Variants in COL4A2 observed in about 807,000 individuals in gnomAD.
COL4A2 encodes the protein collagen alpha-2(IV) chain.
Under a neutral mutation model 200.2 loss-of-function variants are expected in COL4A2, and 99 were observed. The ratio of observed to expected loss-of-function variants is 0.49; its 90% CI spans 0.42 to 0.58. The LOEUF (loss-of-function observed/expected upper bound fraction) is 0.58, where lower values mean the gene tolerates loss of function less well. Ranked by LOEUF, COL4A2 falls within the 20% of genes least tolerant of loss-of-function variation. The pLI is 0.00. For synonymous variants in COL4A2, 897 were observed against 900.6 expected (o/e 1.00, Z 0.07); for missense variants, 1,950 against 2,314.1 (o/e 0.84, Z 3.23).
At chr13:110,409,946 G>A (rs971123425) in intron 4 of COL4A2, among the ~76,000 whole-genome samples, 54 of 151,854 alleles carry the variant, frequency 3.6e-4, no homozygotes, top group African/African-American at 1.2e-3. Flanking sequence ...CACACGTCCC[G>A]CCCGCCCCAG....
intron 4 of COL4A2, among the ~76,000 whole-genome samples, chr13:110,376,416 T>C (rs1878239628): frequency 6.6e-6 from 1 of 152,112 alleles, no homozygotes; most frequent in Admixed American, 6.5e-5. Context: ...TCATCCTGCC[T>C]TGATTTGTAT....
At chr13:110,394,605 G>A (rs1301080090) in intron 4 of COL4A2, among the ~76,000 whole-genome samples, 3 of 152,148 alleles carry the variant, frequency 2.0e-5, no homozygotes, top group South Asian at 4.1e-4. Flanking sequence ...TGGTGCACAC[G>A]ACCTCTCGGT....
intron 3 of COL4A2, among the ~76,000 whole-genome samples, chr13:110,344,749 T>A (rs1307143528): frequency 6.6e-6 from 1 of 152,240 alleles, no homozygotes; most frequent in East Asian, 1.9e-4. Flanking sequence ...ATCCTGTCCT[T>A]GCTCTCTGCA....
intron 3 of COL4A2, among the ~76,000 whole-genome samples, chr13:110,310,767 G>A (rs1884955421): frequency 6.6e-6 from 1 of 152,210 alleles, no homozygotes; most frequent in African/African-American, 2.4e-5. Flanking sequence ...GGGCAGTGAA[G>A]AGCCTTGGTG....
intron 3 of COL4A2, among the ~76,000 whole-genome samples, chr13:110,345,287 A>T (rs1876646363): frequency 6.6e-6 from 1 of 152,222 alleles, no homozygotes; most frequent in Non-Finnish European, 1.5e-5. Flanking sequence ...ATGCATTGAA[A>T]ATCCTCACAT....
At chr13:110,430,466 A>G (rs763421457) in intron 9 of COL4A2, 30 bp downstream of exon 9, 3 of 1,614,158 alleles carry the variant, frequency 1.9e-6, no homozygotes, top group East Asian at 4.5e-5. Flanking sequence ...ACGATATTCC[A>G]AACAAAAGTT....
chr13:110,388,526 C>T (rs989704762), intron 4 of COL4A2, among the ~76,000 whole-genome samples: 2 of 152,196 alleles, frequency 1.3e-5, no homozygotes, highest in African/African-American at 4.8e-5. Flanking sequence ...AAGATGAATG[C>T]TGTTGGAAGG....
intron 46 of COL4A2, 128 bp downstream of exon 46, chr13:110,506,734 C>A: frequency 1.0e-6 from 1 of 1,001,346 alleles, no homozygotes; most frequent in Non-Finnish European, 1.4e-6. Context: ...AAGGGTCCAT[C>A]TACATTCCTC....
chr13:110,426,477 A>C (rs933626829), intron 6 of COL4A2, among the ~76,000 whole-genome samples: 1 of 152,240 alleles, frequency 6.6e-6, no homozygotes, highest in African/African-American at 2.4e-5. Flanking sequence ...TTAAGTTAAC[A>C]TAAATATCAC....
chr13:110,319,124 G>T (rs536009224), intron 3 of COL4A2, among the ~76,000 whole-genome samples: 17 of 152,074 alleles, frequency 1.1e-4, no homozygotes, highest in African/African-American at 1.9e-4. Flanking sequence ...GGGGGCCTGT[G>T]GGGGGAGGTT....
intron 35 of COL4A2, 92 bp downstream of exon 35, chr13:110,489,600 G>A: frequency 3.8e-6 from 6 of 1,589,130 alleles, no homozygotes; most frequent in South Asian, 1.1e-5. Context: ...GTGCTGTTAG[G>A]TATTTTAAAA....
rs3832896 is a variant in COL4A2, at chr13:110,511,744, CA to C, written c.4882-189del. On this transcript the variant is annotated intron_variant, in intron 47 of 47. Transcript: ENST00000360467. ...TCCTGGTGCCTGGGGCTGCCTCCTG[CA>C]GGGGGCCCATGTGTATTTCACCAGC... 0.12 allele frequency among the ~76,000 whole-genome samples: 17,738 copies of C among 152,246 alleles called. 1,439 individuals carry two copies. The highest frequency in any genetic ancestry group is 0.4 in the East Asian group (2,071 of 5,128).
At chr13:110,477,922 A>G in intron 29 of COL4A2, 81 bp from the exon 30 acceptor site, 1 of 1,284,594 alleles carries the variant, frequency 7.8e-7, no homozygotes, top group South Asian at 2.5e-5. Flanking sequence ...CTTTTTACAG[A>G]ATGAGTGTGT....
At chr13:110,330,332 C>T (rs747332801) in intron 3 of COL4A2, among the ~76,000 whole-genome samples, 10 of 152,074 alleles carry the variant, frequency 6.6e-5, no homozygotes, top group Admixed American at 1.3e-4. Context: ...TGCTGTAACA[C>T]GATGTTTTAC....
In COL4A2 at chr13:110,430,409, T is replaced by C. The variant is rs1221203873; in HGVS notation, c.558T>C (p.Pro186=). Reference sequence around the variant, plus strand: ...TATTTCTTCTCCATTAGGGTGAACCTGGAGAGCCTGGATTGGTCGGTTTCC... The same window carrying C: ...TATTTCTTCTCCATTAGGGTGAACCCGGAGAGCCTGGATTGGTCGGTTTCC... ...KEERDRYRGE[P]GEPGLVGFQG... Residue 186 remains proline, a synonymous_variant, in exon 9 of 48, where the codon CCT becomes CCC. Transcript: ENST00000360467. 6.2e-7 allele frequency: 1 copy of C among 1,614,074 alleles called. No individual in the cohort carries two copies. Among genetic ancestry groups the C allele is most frequent in the East Asian group, 2.2e-5 (1 of 44,892 alleles).
chr13:110,333,906 C>T (rs970051918), intron 3 of COL4A2, among the ~76,000 whole-genome samples: 1 of 152,230 alleles, frequency 6.6e-6, no homozygotes, highest in African/African-American at 2.4e-5. Context: ...TAGATTAACC[C>T]TCTGAGATAG....
At chr13:110,351,219 T>TTTTTG (rs1555322830) in intron 3 of COL4A2, among the ~76,000 whole-genome samples, 3 of 149,914 alleles carry the variant, frequency 2.0e-5, no homozygotes, top group Non-Finnish European at 4.4e-5. Context: ...CAGCTATTCT[T>TTTTTG]TTTGTTTGTT....
At chr13:110,320,181 A>G (rs542832108) in intron 3 of COL4A2, among the ~76,000 whole-genome samples, 1 of 151,578 alleles carries the variant, frequency 6.6e-6, no homozygotes, top group South Asian at 2.1e-4. Flanking sequence ...CAGCCGCACA[A>G]CCCAGGAACA....
intron 45 of COL4A2, 127 bp from the exon 46 acceptor site, chr13:110,506,288 A>G (rs1883868140): frequency 1.2e-6 from 1 of 867,868 alleles, no homozygotes. Context: ...CTCGGGCTGC[A>G]GGTGCACCAG....
Sources: allele counts gnomAD v4.1 joint callset (sites outside exome capture counted in the v4.1 genomes callset), GRCh38; gene constraint gnomAD v4.1.1; transcripts MANE v1.5; gene names NCBI Gene and HGNC (gene_info 2026-07-23, HGNC 2026-07-21).